Variants in NXN observed in about 807,000 individuals in gnomAD.
NXN encodes nucleoredoxin.
In NXN, 16 loss-of-function variants were observed where a neutral mutation model predicts 48.6. The observed-to-expected ratio is 0.33, with a 90% confidence interval of 0.22 to 0.50. The LOEUF is 0.50. Ranked by LOEUF, NXN falls within the 20% of genes least tolerant of loss-of-function variation. The pLI is 0.98. For missense variants in NXN, 492 were observed against 605.5 expected (o/e 0.81, Z 1.97); for synonymous variants, 281 against 269.6 (o/e 1.04, Z -0.41).
chr17:841,650 GCGCATCTCACGCCGGC>G (rs1319493753), intron 1 of NXN, among the ~76,000 whole-genome samples: 80 of 144,296 alleles, frequency 5.5e-4, no homozygotes, highest in East Asian at 4.4e-3. Context: ...CCTGACCACA[GCGCATCTCACGCCGGC>G]GAGCAGGTCC....
intron 1 of NXN, among the ~76,000 whole-genome samples, chr17:964,317 G>A (rs1456968086): frequency 6.6e-6 from 1 of 152,120 alleles, no homozygotes; most frequent in Non-Finnish European, 1.5e-5. Context: ...TGGCTCAGGG[G>A]CAGAACAGAT....
intron 5 of NXN, among the ~76,000 whole-genome samples, chr17:816,071 C>T (rs548609241): frequency 5.1e-4 from 78 of 152,278 alleles, no homozygotes; most frequent in African/African-American, 1.7e-3. Context: ...CAGGACACGG[C>T]GCTCGGTAAC....
intron 5 of NXN, among the ~76,000 whole-genome samples, chr17:806,571 C>A (rs1911538378): frequency 6.6e-6 from 1 of 152,114 alleles, no homozygotes; most frequent in Non-Finnish European, 1.5e-5. Context: ...CAGCCGCTCC[C>A]CCCACACCCT....
chr17:894,928 A>G (rs2068460092), intron 1 of NXN, among the ~76,000 whole-genome samples: 1 of 149,276 alleles, frequency 6.7e-6, no homozygotes, highest in South Asian at 2.1e-4. Context: ...GGCCGCCTTC[A>G]TGATTCCCTG....
intron 1 of NXN, among the ~76,000 whole-genome samples, chr17:857,347 G>A (rs112377978): frequency 0.01 from 1,568 of 152,066 alleles, 23 homozygotes; most frequent in African/African-American, 0.036. Context: ...TGGAACCTCC[G>A]CCTCCTGGGC....
intron 5 of NXN, among the ~76,000 whole-genome samples, chr17:808,251 C>A (rs552649858): frequency 6.6e-6 from 1 of 152,096 alleles, no homozygotes; most frequent in African/African-American, 2.4e-5. Context: ...CCTTTCTCCC[C>A]CTTCACACAC....
chr17:855,965 C>T (rs1444569946), intron 1 of NXN, among the ~76,000 whole-genome samples: 2 of 152,056 alleles, frequency 1.3e-5, no homozygotes, highest in African/African-American at 4.8e-5. Context: ...GAGGCCTAGA[C>T]GGGCAGATCA....
chr17:960,934 G>A (rs1375275737), intron 1 of NXN, among the ~76,000 whole-genome samples: 1 of 151,778 alleles, frequency 6.6e-6, no homozygotes, highest in African/African-American at 2.4e-5. Context: ...ACAGGCACCC[G>A]CCACCACGCC....
chr17:893,058 A>G (rs2068440029), intron 1 of NXN, among the ~76,000 whole-genome samples: 1 of 152,258 alleles, frequency 6.6e-6, no homozygotes, highest in Admixed American at 6.5e-5. Context: ...AAGTCTATCA[A>G]TTAAAAATTT....
At chr17:870,750 G>T in intron 1 of NXN, among the ~76,000 whole-genome samples, 1 of 147,196 alleles carries the variant, frequency 6.8e-6, no homozygotes, top group East Asian at 2.0e-4. Context: ...GTGAGACTCT[G>T]TCTGGAAAAA....
In NXN at chr17:819,203, TC is replaced by T. The variant is rs1181861112; in HGVS notation, c.820+235del. ...CTCAGGTGATCCACCTGCCTCAGCC[TC>T]CCAAAGTGCTGGGGTTACAGTGTGA... On this transcript the variant is annotated intron_variant, in intron 5 of 7. Coordinates refer to ENST00000336868, the MANE Select transcript of NXN (RefSeq NM_022463.5). 53 of 509,904 alleles carry T rather than the reference TC, an allele frequency of 1.0e-4. 1 individual carries two copies. In the Middle Eastern group the frequency reaches 7.3e-3, roughly 71 times the overall value. The allele number at this position is 509,904 out of a possible 1,614,324, so 31.6% of individuals were successfully genotyped here. A position where few individuals can be genotyped will look rare whatever the true frequency, so the allele number is the denominator to read the frequency against.
chr17:950,786 T>C (rs1185758501), intron 1 of NXN, among the ~76,000 whole-genome samples: 1 of 150,336 alleles, frequency 6.7e-6, no homozygotes, highest in Non-Finnish European at 1.5e-5. Context: ...CACGCAACAC[T>C]GTTCCCAAGA....
rs1424631317 is a variant in NXN, at chr17:917,291, G to A, written c.360+62028C>T. 3.9e-5 allele frequency among the ~76,000 whole-genome samples: 6 copies of A among 152,060 alleles called. No homozygotes were observed. The highest frequency in any genetic ancestry group is 2.1e-4 in the South Asian group (1 of 4,822). ...CGAGCAGCTGGGACTACAGGCGCCC[G>A]CCACCATGCCCAGCTAATTTTTTGT... On this transcript the variant is annotated intron_variant, in intron 1 of 7. Coordinates refer to ENST00000336868, the MANE Select transcript of NXN (RefSeq NM_022463.5). This position sits in a 1 kb window ranked among gnomAD's most constrained non-coding sequence, Gnocchi z 4.5.
At chr17:895,779 C>G (rs538623465) in intron 1 of NXN, among the ~76,000 whole-genome samples, 2 of 45,276 alleles carry the variant, frequency 4.4e-5, no homozygotes, top group African/African-American at 3.0e-4. Context: ...GATCGCACCA[C>G]TGCACTCCAG....
At chr17:876,820 G>A (rs1157039530) in intron 1 of NXN, among the ~76,000 whole-genome samples, 2 of 152,092 alleles carry the variant, frequency 1.3e-5, no homozygotes, top group African/African-American at 4.8e-5. Context: ...GCGGGGGCGG[G>A]GGGATCACCT....
intron 1 of NXN, among the ~76,000 whole-genome samples, chr17:973,746 C>T (rs1016756694): frequency 6.6e-6 from 1 of 151,932 alleles, no homozygotes; most frequent in African/African-American, 2.4e-5. Flanking sequence ...GTGGCCCGAT[C>T]TCAGCTCACT....
intron 1 of NXN, among the ~76,000 whole-genome samples, chr17:833,006 T>C (rs1422835520): frequency 2.0e-5 from 3 of 152,082 alleles, no homozygotes; most frequent in Non-Finnish European, 4.4e-5. Flanking sequence ...TTCTCCTGCC[T>C]CAGCCTCCCG....
At chr17:922,942 A>G (rs956786166) in intron 1 of NXN, among the ~76,000 whole-genome samples, 2 of 151,438 alleles carry the variant, frequency 1.3e-5, no homozygotes, top group African/African-American at 2.4e-5. Flanking sequence ...GTGAGCCACC[A>G]CGCCCGGCCC....
intron 1 of NXN, among the ~76,000 whole-genome samples, chr17:879,723 T>C (rs2068263508): frequency 6.6e-6 from 1 of 152,156 alleles, no homozygotes; most frequent in South Asian, 2.1e-4. Context: ...GGCGTCACCT[T>C]TCTGCATCTT....
Sources: gnomAD v4.1 joint callset for allele counts (sites outside exome capture counted in the v4.1 genomes callset) on GRCh38, gnomAD v4.1.1 for gene constraint, Gnocchi (gnomAD v3.1) non-coding constraint, MANE v1.5 for transcripts, NCBI Gene and HGNC (gene_info 2026-07-23, HGNC 2026-07-21) for gene names.